The following CEP192 variants were observed in gnomAD, a reference collection of about 807,000 sequenced individuals.
CEP192 encodes centrosomal protein of 192 kDa.
In CEP192, 151 loss-of-function variants were observed where a neutral mutation model predicts 271.8. The observed-to-expected ratio is 0.56, with a 90% CI of 0.49 to 0.64. CEP192 has a LOEUF of 0.64. CEP192 is among the 30% of genes least tolerant of loss of function. The pLI is 0.00. For missense variants in CEP192, 2,910 were observed against 3,020.5 expected, an observed-to-expected ratio of 0.96 and a Z score of 0.86; for synonymous variants, 995 against 1,076.5, an observed-to-expected ratio of 0.92 and a Z score of 1.48.
chr18:13,068,764 C>T, intron 24 of CEP192, 88 bp from the exon 25 acceptor site: 1 of 1,396,078 alleles, frequency 7.2e-7, no homozygotes, highest in Non-Finnish European at 1.0e-6. Context: ...TTCTTATTGC[C>T]CCTAAGGGCA....
At position 13,092,546 on chromosome 18, in the gene CEP192, A is replaced by AT; in HGVS notation, c.6254+19_6254+20insT. 2.6e-6 allele frequency: 4 copies of AT among 1,566,106 alleles called. No individual in the cohort carries two copies. The highest frequency in any genetic ancestry group is 3.5e-6 in the Non-Finnish European group (4 of 1,155,842). ...CTACAAGGTAAAATAAATGAACAGA[A>AT]ATCTTTCACCAGATTTCAGGATGAT... On this transcript the variant is annotated intron_variant, in intron 34 of 44. Coordinates refer to ENST00000506447, the MANE Select transcript of CEP192 (RefSeq NM_032142.4).
Position 13,055,929 on chromosome 18 carries a change from T to TA in CEP192, c.3340dup (p.Thr1114AsnfsTer6). On this transcript the variant is annotated frameshift_variant, in exon 19 of 45. Coordinates refer to ENST00000506447, the MANE Select transcript of CEP192 (RefSeq NM_032142.4). LOFTEE classifies it high-confidence loss of function. ...CATCTATTATCCAGAATAACTCTGA[T>TA]ACAAGAAAAGCAACTGAAACTACTT... 6.2e-7 allele frequency: 1 copy of TA among 1,614,186 alleles called. No individual in the cohort carries two copies. The highest frequency in any genetic ancestry group is 1.1e-5 in the South Asian group (1 of 91,078).
At chr18:13,036,188 T>A (rs2035907130) in intron 11 of CEP192, among the ~76,000 whole-genome samples, 1 of 151,616 alleles carries the variant, frequency 6.6e-6, no homozygotes, top group Non-Finnish European at 1.5e-5. Context: ...TAATAAGAAA[T>A]GGTCACTTAA....
intron 14 of CEP192, 25 bp downstream of exon 14, chr18:13,040,981 T>G: frequency 6.3e-7 from 1 of 1,582,992 alleles, no homozygotes. Context: ...GAAGGGGCTT[T>G]TAGGAATCTT....
At chr18:13,000,546 T>A (rs911397357) in intron 2 of CEP192, 1 of 152,268 alleles carries the variant, frequency 6.6e-6, no homozygotes, top group African/African-American at 2.4e-5. Flanking sequence ...ACTGGACTTG[T>A]ATGGCTGTCT....
chr18:13,113,786 G>A, intron 41 of CEP192, 81 bp downstream of exon 41: 1 of 1,261,766 alleles, frequency 7.9e-7, no homozygotes, highest in Non-Finnish European at 1.1e-6. Flanking sequence ...AAGTTGGCCT[G>A]AAAATGCAGA....
At chr18:13,013,141 A>G (rs988231701) in intron 5 of CEP192, 116 bp downstream of exon 5, 1 of 546,098 alleles carries the variant, frequency 1.8e-6, no homozygotes, top group African/African-American at 2.0e-5. Context: ...TTTCTAGTAG[A>G]GCTCTAACTT....
At chr18:12,999,791 G>A (rs1238404312) in intron 2 of CEP192, among the ~76,000 whole-genome samples, 1 of 150,334 alleles carries the variant, frequency 6.7e-6, no homozygotes, top group African/African-American at 2.4e-5. Context: ...GGTTTGGGTG[G>A]GTTTGGGATT....
intron 11 of CEP192, among the ~76,000 whole-genome samples, chr18:13,035,201 G>A (rs558909551): frequency 3.9e-5 from 6 of 152,150 alleles, no homozygotes; most frequent in Non-Finnish European, 7.3e-5. Flanking sequence ...GAGCTGTTCG[G>A]TCAATTATTT....
At position 13,008,742 on chromosome 18, in the gene CEP192, C is replaced by T. The variant is rs76747169; in HGVS notation, c.466+111C>T. 5.8e-3 allele frequency: 4,819 copies of T among 835,046 alleles called. 214 individuals are homozygous for T. The East Asian group carries it at 0.098, about 17-fold the overall frequency. 51.7% of individuals were successfully genotyped at this position (835,046 alleles called of 1,614,324 possible). A position where few individuals can be genotyped will look rare whatever the true frequency, so the allele number is the denominator to read the frequency against. On this transcript the variant is annotated intron_variant, in intron 4 of 44. Coordinates refer to ENST00000506447, the MANE Select transcript of CEP192 (RefSeq NM_032142.4). ...TTTTGAGGCAGGGTCGCACTCCTGT[C>T]GCCCAGGCTGGAGTGCAGTGGCGTG...
chr18:13,073,334 T>G, intron 30 of CEP192, 149 bp downstream of exon 30: 1 of 709,028 alleles, frequency 1.4e-6, no homozygotes, highest in Non-Finnish European at 2.3e-6. Flanking sequence ...GTAATTTATA[T>G]GCTTTGTAGA....
chr18:13,041,581 CTT>C (rs1173852772), intron 14 of CEP192, among the ~76,000 whole-genome samples: 9 of 141,472 alleles, frequency 6.4e-5, no homozygotes, highest in Non-Finnish European at 9.3e-5. Context: ...GAGACAGTCT[CTT>C]TTTTTTTTTT....
chr18:13,052,265 T>C (rs1296676096), intron 17 of CEP192, among the ~76,000 whole-genome samples: 1 of 152,238 alleles, frequency 6.6e-6, no homozygotes, highest in Non-Finnish European at 1.5e-5. Context: ...GAACCAAGGC[T>C]AGAACAGCAT....
intron 36 of CEP192, 26 bp from the exon 37 acceptor site, chr18:13,099,450 A>T (rs539306039): frequency 1.7e-6 from 2 of 1,194,362 alleles, no homozygotes; most frequent in Admixed American, 2.1e-5. Flanking sequence ...GGCTCTTTTT[A>T]ATTTTCTTAT....
intron 36 of CEP192, among the ~76,000 whole-genome samples, chr18:13,099,191 A>AGGGGGG (rs1387599179): frequency 5.1e-5 from 1 of 19,776 alleles, no homozygotes; most frequent in Non-Finnish European, 1.0e-4. Context: ...GGGGAGGGGG[A>AGGGGGG]GGGGGAGAGG....
chr18:13,119,655 T>G (rs1232087665), intron 44 of CEP192, among the ~76,000 whole-genome samples: 1 of 152,236 alleles, frequency 6.6e-6, no homozygotes, highest in Non-Finnish European at 1.5e-5. Flanking sequence ...GGCAGGAGAA[T>G]CCCTTGAACC....
intron 15 of CEP192, among the ~76,000 whole-genome samples, chr18:13,043,999 A>G (rs1432497329): frequency 2.6e-5 from 4 of 152,152 alleles, no homozygotes; most frequent in African/African-American, 9.7e-5. Flanking sequence ...CCTCTGTGTT[A>G]TGAACAATCC....
chr18:12,995,207 G>T lies in CEP192; in HGVS notation c.-5+3770G>T, dbSNP rs183676244. On this transcript the variant is annotated intron_variant, in intron 1 of 44. Transcript: ENST00000506447. The stretch of plus-strand genomic sequence containing the variant: ...CTCCTGAGTAGCTGGGACTACAGGC[G>T]CCCGCCACCTCGCCCGGCTAATTTT... Among the ~76,000 whole-genome samples the T allele has an allele frequency of 2.0e-3, 304 of 151,982 alleles. 2 individuals carry two copies. The highest frequency in any genetic ancestry group is 0.017 in the Middle Eastern group (5 of 294).
At chr18:13,100,778 A>G (rs767006263) in intron 38 of CEP192, among the ~76,000 whole-genome samples, 2 of 152,202 alleles carry the variant, frequency 1.3e-5, no homozygotes, top group Admixed American at 6.5e-5. Context: ...CTGTCACCAG[A>G]TCTTGACCAG....
Sources: gnomAD v4.1 joint callset for allele counts (sites outside exome capture counted in the v4.1 genomes callset) on GRCh38, gnomAD v4.1.1 for gene constraint, MANE v1.5 for transcripts, NCBI Gene and HGNC (gene_info 2026-07-23, HGNC 2026-07-21) for gene names.